The following USH2A variants were observed in gnomAD, a reference collection of about 807,000 sequenced individuals.
USH2A encodes the protein usherin.
In USH2A, 443 loss-of-function variants were observed where a neutral mutation model predicts 538.9. The ratio of observed to expected loss-of-function variants is 0.82; its 90% CI spans 0.76 to 0.89. The LOEUF is 0.89. Among genes scored for constraint, USH2A ranks in the 40% least tolerant of loss-of-function variants. USH2A has a pLI of 0.00. For synonymous variants in USH2A, 2,413 were observed against 2,273.5 expected (o/e 1.06, Z -1.75); for missense variants, 6,633 against 6,324.8 (o/e 1.05, Z -1.65).
intron 44 of USH2A, 60 bp from the exon 45 acceptor site, chr1:215,846,093 A>T: frequency 6.7e-7 from 1 of 1,488,672 alleles, no homozygotes; most frequent in Non-Finnish European, 9.3e-7. Context: ...GGAAAAAAAA[A>T]ATTCTATCAT....
chr1:215,900,162 A>G lies in USH2A; in HGVS notation c.7507T>C (p.Tyr2503His). Residue 2503 changes from tyrosine (Y) to histidine (H), a missense_variant, in exon 40 of 72, where the codon TAC (tyrosine) becomes CAC (histidine). By Grantham distance (83) the Tyr-to-His change is moderately conservative. Transcript: ENST00000307340. ...LSYEVSDLQP[Y>H]TEYMFRLVAS... ...ACCAACCGAAACATATACTCTGTGT[A>G]CGGTTGGAGATCACTCACTTCATAG... The G allele has an allele frequency of 6.2e-7, 1 of 1,613,756 alleles. No individual in the cohort carries two copies. The highest frequency in any genetic ancestry group is 8.5e-7 in the Non-Finnish European group (1 of 1,179,758).
At chr1:215,956,090 G>A (rs1243280924) in intron 37 of USH2A, among the ~76,000 whole-genome samples, 1 of 152,090 alleles carries the variant, frequency 6.6e-6, no homozygotes, top group Admixed American at 6.6e-5. Flanking sequence ...TCAATTCACA[G>A]CTGACACTTT....
chr1:216,205,777 A>T (rs1357369525), intron 16 of USH2A, among the ~76,000 whole-genome samples: 1 of 152,198 alleles, frequency 6.6e-6, no homozygotes, highest in Non-Finnish European at 1.5e-5. Flanking sequence ...TTCTTAAACT[A>T]GTGTGTAGCT....
chr1:216,042,516 C>T (rs144292486), intron 32 of USH2A, among the ~76,000 whole-genome samples: 3 of 152,030 alleles, frequency 2.0e-5, no homozygotes, highest in Admixed American at 1.3e-4. Flanking sequence ...AAGTTCTACC[C>T]ACAAGCCACT....
At chr1:216,067,350 G>A (rs116223452) in intron 30 of USH2A, among the ~76,000 whole-genome samples, 1 of 151,878 alleles carries the variant, frequency 6.6e-6, no homozygotes, top group South Asian at 2.1e-4. Context: ...AGCCACCCTG[G>A]CACATGTATA....
intron 3 of USH2A, among the ~76,000 whole-genome samples, chr1:216,405,318 G>T (rs960486312): frequency 6.6e-6 from 1 of 152,200 alleles, no homozygotes; most frequent in African/African-American, 2.4e-5. Flanking sequence ...GCAAAACCCT[G>T]TAAAAAGAAT....
At chr1:216,119,472 CAT>C (rs2033080946) in intron 21 of USH2A, among the ~76,000 whole-genome samples, 1 of 151,508 alleles carries the variant, frequency 6.6e-6, no homozygotes, top group Admixed American at 6.6e-5. Context: ...AACAATATAA[CAT>C]ATAATATAAT....
chr1:216,329,460 C>T (rs184496285), intron 4 of USH2A, among the ~76,000 whole-genome samples: 176 of 152,074 alleles, frequency 1.2e-3, no homozygotes, highest in African/African-American at 4.0e-3. Context: ...ATAGGAAAGA[C>T]GAATAGGAAA....
At chr1:216,031,080 G>T (rs1669111080) in intron 32 of USH2A, among the ~76,000 whole-genome samples, 1 of 151,942 alleles carries the variant, frequency 6.6e-6, no homozygotes, top group Middle Eastern at 3.4e-3. Flanking sequence ...TACAGCTTTA[G>T]AGATTTTAAT....
chr1:215,903,946 A>AT (rs1350164634), intron 38 of USH2A, among the ~76,000 whole-genome samples: 1 of 152,116 alleles, frequency 6.6e-6, no homozygotes, highest in South Asian at 2.1e-4. Flanking sequence ...TTTAATTGAT[A>AT]TTTTTATCTA....
In USH2A at chr1:215,639,153, A is replaced by G; in HGVS notation, c.15052+2T>C. 6.2e-7 allele frequency: 1 copy of G among 1,614,080 alleles called. No homozygotes were observed. The highest frequency in any genetic ancestry group is 8.5e-7 in the Non-Finnish European group (1 of 1,179,932). On this transcript the variant is annotated splice_donor_variant, in intron 69 of 71. Transcript: ENST00000307340. LOFTEE classifies it high-confidence loss of function. ...ACGCCAAGTATAATATGAGTTGTTT[A>G]CCAAGTCCAGTAGAGGTATCATATT...
chr1:216,167,857 T>A (rs2034201289), intron 21 of USH2A, among the ~76,000 whole-genome samples: 1 of 152,098 alleles, frequency 6.6e-6, no homozygotes, highest in South Asian at 2.1e-4. Flanking sequence ...TGGCTACAGA[T>A]CTATATGAAT....
chr1:215,798,579 A>C (rs1571696972), intron 50 of USH2A, among the ~76,000 whole-genome samples: 1 of 152,224 alleles, frequency 6.6e-6, no homozygotes, highest in Non-Finnish European at 1.5e-5. Context: ...GAATTATAAC[A>C]AAATATCATT....
chr1:216,203,886 A>T (rs2102475459), intron 16 of USH2A: 1 of 153,754 alleles, frequency 6.5e-6, no homozygotes, highest in East Asian at 1.9e-4. Context: ...CTAAAGTGAC[A>T]TTTAAGGGCT....
chr1:216,210,095 A>G (rs2035206286), intron 15 of USH2A, among the ~76,000 whole-genome samples: 1 of 152,134 alleles, frequency 6.6e-6, no homozygotes. Flanking sequence ...GAGAGAGGCC[A>G]AGAAGACTCT....
At chr1:216,373,861 C>G (rs2038763214) in intron 3 of USH2A, among the ~76,000 whole-genome samples, 1 of 151,938 alleles carries the variant, frequency 6.6e-6, no homozygotes, top group African/African-American at 2.4e-5. Flanking sequence ...CCCAAATGTC[C>G]AACACCGATA....
intron 3 of USH2A, among the ~76,000 whole-genome samples, chr1:216,368,395 C>A (rs1490781220): frequency 6.6e-6 from 1 of 152,156 alleles, no homozygotes; most frequent in Non-Finnish European, 1.5e-5. Flanking sequence ...AATGCCAGAT[C>A]TTTGCTGCTA....
At chr1:215,705,917 T>C (rs934615178) in intron 61 of USH2A, among the ~76,000 whole-genome samples, 13 of 152,216 alleles carry the variant, frequency 8.5e-5, no homozygotes, top group African/African-American at 3.1e-4. Flanking sequence ...GTTCTCAAAA[T>C]TATTCTTAGC....
chr1:216,054,272 T>A (rs995065651), intron 30 of USH2A, among the ~76,000 whole-genome samples: 1 of 152,204 alleles, frequency 6.6e-6, no homozygotes, highest in Non-Finnish European at 1.5e-5. Flanking sequence ...AGACATTGTT[T>A]CTTTTGACTG....
Sources: gnomAD v4.1 joint callset for allele counts (sites outside exome capture counted in the v4.1 genomes callset) on GRCh38, gnomAD v4.1.1 for gene constraint, MANE v1.5 for transcripts, NCBI Gene and HGNC (gene_info 2026-07-23, HGNC 2026-07-21) for gene names.